The following SLC35A3 variants were observed in gnomAD, a reference collection of about 807,000 sequenced individuals.
The protein encoded by SLC35A3 is UDP-N-acetylglucosamine transporter.
Under a neutral mutation model 39.0 loss-of-function variants are expected in SLC35A3, and 26 were observed. That is an observed-to-expected ratio of 0.67 (90% CI 0.49 to 0.92). SLC35A3 has a LOEUF of 0.92. Among genes scored for constraint, SLC35A3 ranks in the 40% least tolerant of loss-of-function variants. The pLI, the probability that SLC35A3 is intolerant of heterozygous loss-of-function variation, is 0.00. For missense variants in SLC35A3, 299 were observed against 371.6 expected, an observed-to-expected ratio of 0.80 and a Z score of 1.61; for synonymous variants, 135 against 133.1, an observed-to-expected ratio of 1.01 and a Z score of -0.10.
chr1:99,988,940 T>C (rs573639530), intron 1 of SLC35A3, among the ~76,000 whole-genome samples: 2 of 152,080 alleles, frequency 1.3e-5, no homozygotes, highest in East Asian at 1.9e-4. Flanking sequence ...CTAATTATTT[T>C]TGTAGAGACG....
intron 5 of SLC35A3, among the ~76,000 whole-genome samples, chr1:100,014,834 A>G (rs1659950427): frequency 6.6e-6 from 1 of 152,116 alleles, no homozygotes; most frequent in South Asian, 2.1e-4. Flanking sequence ...ACTTTTGTTA[A>G]GTATACAAAA....
intron 2 of SLC35A3, among the ~76,000 whole-genome samples, chr1:99,995,503 T>C (rs1053487066): frequency 4.6e-5 from 7 of 152,030 alleles, no homozygotes; most frequent in Non-Finnish European, 7.4e-5. Context: ...TGTTAAAAGA[T>C]TGAATATGTG....
chr1:100,007,362 A>G (rs916948707), intron 4 of SLC35A3: 11 of 429,958 alleles, frequency 2.6e-5, no homozygotes, highest in Non-Finnish European at 4.5e-5. Context: ...AAATAAAATT[A>G]TATTACCTAC....
rs1044624572 is a variant in SLC35A3, at chr1:100,024,659, G to A, written c.*2183G>A. On this transcript the variant is annotated 3_prime_UTR_variant, in exon 8 of 8. Transcript: ENST00000533028. ...TTTTGAGACAGAGTCTCACTTTGTCGCCAGGCTGGAGTGCTGTGGCGCGAT... is the reference window on the plus strand; with the variant it reads ...TTTTGAGACAGAGTCTCACTTTGTCACCAGGCTGGAGTGCTGTGGCGCGAT... 4 of 357,064 alleles carry A rather than the reference G, an allele frequency of 1.1e-5. No individual in the cohort carries two copies. The highest frequency in any genetic ancestry group is 1.5e-5 in the Non-Finnish European group (3 of 205,438). The allele number at this position is 357,064 out of a possible 1,614,324, so 22.1% of individuals were successfully genotyped here.
At chr1:99,972,355 TG>T (rs1656866030) in intron 1 of SLC35A3, among the ~76,000 whole-genome samples, 1 of 141,470 alleles carries the variant, frequency 7.1e-6, no homozygotes, top group South Asian at 2.2e-4. Context: ...TTTTTTGAGA[TG>T]GAGTCTTGCT....
chr1:100,006,921 A>C (rs556576493), intron 3 of SLC35A3, 113 bp from the exon 4 acceptor site: 260 of 1,241,668 alleles, frequency 2.1e-4, no homozygotes, highest in Non-Finnish European at 1.5e-5. Flanking sequence ...TCCCAGCCAG[A>C]TGCAACCACC....
At chr1:99,986,730 G>A (rs1156647845) in intron 1 of SLC35A3, among the ~76,000 whole-genome samples, 6 of 151,598 alleles carry the variant, frequency 4.0e-5, no homozygotes, top group Non-Finnish European at 7.4e-5. Flanking sequence ...TGGGACCACA[G>A]GCACAGGCCA....
At chr1:99,996,227 T>C (rs914953388) in intron 2 of SLC35A3, among the ~76,000 whole-genome samples, 11 of 152,186 alleles carry the variant, frequency 7.2e-5, no homozygotes. Context: ...ATTTAGGGTA[T>C]ATTGAATTGA....
rs912806184 is a variant in SLC35A3, at chr1:100,011,959, C to T, written c.634+426C>T. Among the ~76,000 whole-genome samples, 4 of 151,826 alleles carry T rather than the reference C, an allele frequency of 2.6e-5. No homozygotes were observed. The South Asian group carries it at 8.3e-4, about 31-fold the overall frequency. ...GGTCTCAATTTCTTGACCTTGTGAT[C>T]TGCCTGCCTCAGCCTCCCAAAGTGC... is the stretch of plus-strand genomic sequence containing the variant. On this transcript the variant is annotated intron_variant, in intron 5 of 7. Coordinates refer to ENST00000533028, the MANE Select transcript of SLC35A3 (RefSeq NM_012243.3).
At chr1:99,971,966 C>T (rs915477226) in intron 1 of SLC35A3, among the ~76,000 whole-genome samples, 2 of 151,958 alleles carry the variant, frequency 1.3e-5, no homozygotes, top group East Asian at 1.9e-4. Flanking sequence ...GTTGCGATCT[C>T]GGCTCACTGC....
At position 100,032,606 on chromosome 1, in the gene SLC35A3, C is replaced by T. The variant is rs1200767376; in HGVS notation, c.*10130C>T. ...TGTCACCCAAGCTGGAGTGCAGTGG[C>T]ACGATCTCGGCTCACTGCAACCTCC... On this transcript the variant is annotated 3_prime_UTR_variant, in exon 8 of 8. Transcript: ENST00000533028. The T allele has an allele frequency of 6.6e-6, 1 of 152,218 alleles. No individual in the cohort carries two copies. The highest frequency in any genetic ancestry group is 6.5e-5 in the Admixed American group (1 of 15,272). The allele number at this position is 152,218 out of a possible 1,614,324, so 9.4% of individuals were successfully genotyped here. A position where few individuals can be genotyped will look rare whatever the true frequency, so the allele number is the denominator to read the frequency against.
intron 4 of SLC35A3, among the ~76,000 whole-genome samples, chr1:100,010,805 C>T (rs1455396117): frequency 6.6e-6 from 1 of 152,192 alleles, no homozygotes; most frequent in Non-Finnish European, 1.5e-5. Flanking sequence ...AACATCTAAG[C>T]CATAGGGTAC....
intron 1 of SLC35A3, among the ~76,000 whole-genome samples, chr1:99,972,022 T>C (rs1656843672): frequency 1.3e-5 from 2 of 152,010 alleles, no homozygotes. Context: ...CTCAGCCTCC[T>C]GAAGTAGCTG....
Position 100,022,573 on chromosome 1 carries a change from A to G in SLC35A3, c.*97A>G, listed in dbSNP as rs371905790. ...CTTCTACAGAGTCTGAGAAGATATC[A>G]TCATGCTGAATCTGATCATACTGTT... is the stretch of plus-strand genomic sequence containing the variant. On this transcript the variant is annotated 3_prime_UTR_variant, in exon 8 of 8. Coordinates refer to ENST00000533028, the MANE Select transcript of SLC35A3 (RefSeq NM_012243.3). The G allele has an allele frequency of 2.8e-5, 16 of 572,904 alleles. No individual in the cohort carries two copies. The highest frequency in any genetic ancestry group is 2.1e-4 in the East Asian group (7 of 33,630). 35.5% of individuals were successfully genotyped at this position (572,904 alleles called of 1,614,324 possible).
intron 1 of SLC35A3, among the ~76,000 whole-genome samples, chr1:99,991,772 C>T (rs574814136): frequency 1.4e-4 from 21 of 152,058 alleles, no homozygotes; most frequent in Admixed American, 3.9e-4. Flanking sequence ...TTTTTGGAGA[C>T]GTAGTCTTGC....
intron 5 of SLC35A3, among the ~76,000 whole-genome samples, chr1:100,014,395 A>AT (rs1557843697): frequency 1.3e-5 from 2 of 151,984 alleles, no homozygotes; most frequent in Non-Finnish European, 2.9e-5. Flanking sequence ...TAATTTAAAA[A>AT]TTTTTTTGTA....
chr1:100,010,926 T>TG (rs879689266), intron 4 of SLC35A3, among the ~76,000 whole-genome samples: 45 of 152,124 alleles, frequency 3.0e-4, no homozygotes, highest in South Asian at 1.5e-3. Context: ...TGACAGTGTT[T>TG]GGGGGGGTTC....
In SLC35A3 at chr1:100,030,757, G is replaced by T. The variant is rs1366529570; in HGVS notation, c.*8281G>T. ...AGGGTTTATTAAGTTTTTCCCTTTA[G>T]GCTAAAGTTTTATTTTATTCTGCTT... On this transcript the variant is annotated 3_prime_UTR_variant, in exon 8 of 8. Coordinates refer to ENST00000533028, the MANE Select transcript of SLC35A3 (RefSeq NM_012243.3). 6.6e-6 allele frequency: 1 copy of T among 152,054 alleles called. No individual in the cohort carries two copies. The highest frequency in any genetic ancestry group is 1.5e-5 in the Non-Finnish European group (1 of 67,990). 9.4% of individuals were successfully genotyped at this position (152,054 alleles called of 1,614,324 possible). A position where few individuals can be genotyped will look rare whatever the true frequency, so the allele number is the denominator to read the frequency against.
chr1:99,991,480 G>A (rs559157715), intron 1 of SLC35A3, among the ~76,000 whole-genome samples: 11 of 152,258 alleles, frequency 7.2e-5, no homozygotes, highest in Non-Finnish European at 1.0e-4. Flanking sequence ...AGTAAGTCTG[G>A]AAGTTTGGTA....
Sources: allele counts gnomAD v4.1 joint callset (sites outside exome capture counted in the v4.1 genomes callset), GRCh38; gene constraint gnomAD v4.1.1; transcripts MANE v1.5; gene names NCBI Gene and HGNC (gene_info 2026-07-23, HGNC 2026-07-21).